The following ASPM variants were observed in gnomAD, a reference collection of about 807,000 sequenced individuals.
ASPM encodes assembly factor for spindle microtubules.
In ASPM, 256 loss-of-function variants were observed where a neutral mutation model predicts 366.4. That is an observed-to-expected ratio of 0.70 (90% confidence interval 0.63 to 0.77). The LOEUF (loss-of-function observed/expected upper bound fraction) is 0.77. Among genes scored for constraint, ASPM ranks in the 30% least tolerant of loss-of-function variants. The pLI is 0.00. For synonymous variants in ASPM, 1,414 were observed against 1,342.9 expected (o/e 1.05, Z -1.16); for missense variants, 4,146 against 4,090.4 (o/e 1.01, Z -0.37).
intron 1 of ASPM, 136 bp downstream of exon 1, chr1:197,146,005 T>C: frequency 8.8e-7 from 1 of 1,131,364 alleles, no homozygotes; most frequent in Non-Finnish European, 1.3e-6. Flanking sequence ...AGTTATTGAG[T>C]GAAAGGGAAC....
rs202011814 is a variant in ASPM, at chr1:197,092,115, G to GT, written c.9295-60dup. On this transcript the variant is annotated intron_variant, in intron 21 of 27. Transcript: ENST00000367409. Reference sequence around the variant, plus strand: ...CTGCCTCCTAAGTTAATCAATGAGTGTTTTTTTTTGTATAACCTCAACATC... The same window carrying GT: ...CTGCCTCCTAAGTTAATCAATGAGTGTTTTTTTTTTGTATAACCTCAACATC... The GT allele has an allele frequency of 2.4e-3, 3,536 of 1,494,294 alleles. 10 individuals are homozygous for GT. Among genetic ancestry groups the GT allele is most frequent in the African/African-American group, 0.01 (720 of 71,868 alleles). 92.6% of individuals were successfully genotyped at this position (1,494,294 alleles called of 1,614,324 possible). A position where few individuals can be genotyped will look rare whatever the true frequency, so the allele number is the denominator to read the frequency against.
At chr1:197,099,401 T>C (rs984049101) in intron 18 of ASPM, among the ~76,000 whole-genome samples, 7 of 151,650 alleles carry the variant, frequency 4.6e-5, no homozygotes, top group Admixed American at 6.6e-5. Flanking sequence ...TTCTAGTTTT[T>C]TGATTTTTCC....
chr1:197,084,194 A>C lies in ASPM; in HGVS notation c.*130T>G, dbSNP rs1656508100. The C allele has an allele frequency of 4.4e-6, 3 of 674,334 alleles. No homozygotes were observed. In the South Asian group the frequency reaches 5.1e-5, roughly 12 times the overall value. 41.8% of individuals were successfully genotyped at this position (674,334 alleles called of 1,614,324 possible). A position where few individuals can be genotyped will look rare whatever the true frequency, so the allele number is the denominator to read the frequency against. On this transcript the variant is annotated 3_prime_UTR_variant, in exon 28 of 28. Coordinates refer to ENST00000367409, the MANE Select transcript of ASPM (RefSeq NM_018136.5). ...AATGATAAAAATGAAGAATGTAATG[A>C]ACAGTTTATGTTTTTTTAAAACAAA... is the stretch of plus-strand genomic sequence containing the variant.
rs182760737 is a variant in ASPM at position 197,093,386 on chromosome 1, T to A, written c.9085-125A>T. On this transcript the variant is annotated intron_variant, in intron 20 of 27. Coordinates refer to ENST00000367409, the MANE Select transcript of ASPM (RefSeq NM_018136.5). ...GATTTATAGTCTAAGAATGCCATGT[T>A]TCATAGATATGAAATGATGATGAAG... 1.9e-4 allele frequency: 161 copies of A among 835,090 alleles called. No individual in the cohort carries two copies. In the East Asian group the frequency reaches 3.9e-3, roughly 20 times the overall value. The allele number at this position is 835,090 out of a possible 1,614,324, so 51.7% of individuals were successfully genotyped here. A position where few individuals can be genotyped will look rare whatever the true frequency, so the allele number is the denominator to read the frequency against.
chr1:197,101,164 T>C lies in ASPM; in HGVS notation c.8087A>G (p.Gln2696Arg). The change falls in exon 18 of 28, where the codon CAG becomes CGG. Residue 2696 changes from glutamine (Q) to arginine (R), a missense_variant. Around this residue, in one of 3 missense-constraint regions of ASPM, gnomAD observed 3,624 missense variants for 3,591.7 expected, o/e 1.01. Coordinates refer to ENST00000367409, the MANE Select transcript of ASPM (RefSeq NM_018136.5). ...GGCCCTGTGCATTCGATAGAATGAC[T>C]GAATTAGTGTGGCAGCCCGGTGCAT... ...QNMHRAATLIQSFYRMHRAKV... is the reference protein window; with the variant it reads ...QNMHRAATLIRSFYRMHRAKV... 2 of 1,612,478 alleles carry C rather than the reference T, an allele frequency of 1.2e-6. No homozygotes were observed. The highest frequency in any genetic ancestry group is 1.7e-6 in the Non-Finnish European group (2 of 1,179,104).
At chr1:197,132,730 G>A (rs1053092900) in intron 6 of ASPM, among the ~76,000 whole-genome samples, 5 of 149,418 alleles carry the variant, frequency 3.3e-5, no homozygotes, top group African/African-American at 7.3e-5. Context: ...GTGTGTGTAC[G>A]TATATATACA....
At chr1:197,096,194 C>A in intron 18 of ASPM, 30 bp from the exon 19 acceptor site, 1 of 1,529,368 alleles carries the variant, frequency 6.5e-7, no homozygotes, top group Non-Finnish European at 9.0e-7. Flanking sequence ...AACAAGTATG[C>A]AATGAGTTGT....
intron 21 of ASPM, 99 bp from the exon 22 acceptor site, chr1:197,092,155 A>G: frequency 8.4e-7 from 1 of 1,184,042 alleles, no homozygotes; most frequent in Admixed American, 1.9e-5. Context: ...TATATAAACT[A>G]GCAAGAATAA....
At chr1:197,091,706 C>T (rs1656790800) in intron 22 of ASPM, among the ~76,000 whole-genome samples, 1 of 151,924 alleles carries the variant, frequency 6.6e-6, no homozygotes, top group Non-Finnish European at 1.5e-5. Flanking sequence ...ACAATTACAT[C>T]AGACAATAAT....
rs372169470 is a variant in ASPM, at chr1:197,128,081, C to T, written c.2936+409G>A. On this transcript the variant is annotated intron_variant, in intron 10 of 27. Coordinates refer to ENST00000367409, the MANE Select transcript of ASPM (RefSeq NM_018136.5). Reference sequence around the variant, plus strand: ...TCCGGAGGCTGAGGCAGGAGAATGGCGTGAACCCAGGAGGTAGGCTTGCAG... The same window carrying T: ...TCCGGAGGCTGAGGCAGGAGAATGGTGTGAACCCAGGAGGTAGGCTTGCAG... Among the ~76,000 whole-genome samples, 58 of 151,702 alleles carry T rather than the reference C, an allele frequency of 3.8e-4. No individual in the cohort carries two copies. In the South Asian group the frequency reaches 0.011, roughly 29 times the overall value.
rs758566257 is a variant in ASPM at position 197,143,942 on chromosome 1, T to C, written c.441+15A>G. 66 of 1,594,214 alleles carry C rather than the reference T, an allele frequency of 4.1e-5. No homozygotes were observed. Among genetic ancestry groups the C allele is most frequent in the Non-Finnish European group, 5.6e-5 (65 of 1,162,964 alleles). On this transcript the variant is annotated intron_variant, in intron 2 of 27. Transcript: ENST00000367409. ...CAATTTCTTAGAGTAAATCACAGAA[T>C]GGTTAAAACATTACCTTTTTCTTTT... is the stretch of plus-strand genomic sequence containing the variant.
At chr1:197,132,425 G>C (rs1658285278) in intron 6 of ASPM, 73 bp from the exon 7 acceptor site, 4 of 1,276,838 alleles carry the variant, frequency 3.1e-6, no homozygotes, top group East Asian at 2.3e-5. Flanking sequence ...ACTTCAAGGA[G>C]AGTATATCAG....
chr1:197,102,769 T>G lies in ASPM; in HGVS notation c.6482A>C (p.Glu2161Ala). The G allele has an allele frequency of 6.2e-7, 1 of 1,612,606 alleles. No homozygotes were observed. Among genetic ancestry groups the G allele is most frequent in the Non-Finnish European group, 8.5e-7 (1 of 1,179,230 alleles). Residue 2161 changes from glutamate to alanine, a missense_variant, in exon 18 of 28, where the codon GAA becomes GCA. Physicochemically the swap from Glu to Ala is moderately radical, Grantham distance 107. Coordinates refer to ENST00000367409, the MANE Select transcript of ASPM (RefSeq NM_018136.5). The part of the protein sequence containing the change: ...RAYYQGKMQR[E>A]KYLTILKAVK... ...AGCTTTCAAAATTGTCAGGTACTTT[T>G]CACGCTGCATTTTACCTTGATAATA...
intron 5 of ASPM, 35 bp downstream of exon 5, chr1:197,135,061 G>T (rs1160248277): frequency 7.2e-7 from 1 of 1,389,612 alleles, no homozygotes; most frequent in Non-Finnish European, 1.0e-6. Flanking sequence ...TCTGTTAAAA[G>T]TATTATTAAA....
intron 17 of ASPM, among the ~76,000 whole-genome samples, chr1:197,114,024 T>C (rs1003628640): frequency 1.9e-5 from 2 of 107,140 alleles, no homozygotes; most frequent in African/African-American, 5.4e-5. Flanking sequence ...TAAAAAACTC[T>C]TGGATAGTTG....
At chr1:197,140,490 T>C (rs946550224) in intron 3 of ASPM, among the ~76,000 whole-genome samples, 1 of 152,162 alleles carries the variant, frequency 6.6e-6, no homozygotes, top group African/African-American at 2.4e-5. Context: ...GAGAACAAAT[T>C]TATGAGAAGT....
rs1658329667 is a variant in ASPM at position 197,133,557 on chromosome 1, G to A, written c.2212C>T (p.His738Tyr). 6.2e-7 allele frequency: 1 copy of A among 1,613,410 alleles called. No homozygotes were observed. The highest frequency in any genetic ancestry group is 8.5e-7 in the Non-Finnish European group (1 of 1,179,442). ...ATLLLGIENQ[H>Y]KISVPRAPTK... ...GGTGCTCTAGGAACACTTATTTTAT[G>A]TTGATTCTCTATTCCCAAAAGAAGA... Residue 738 changes from histidine to tyrosine, a missense_variant, in exon 6 of 28, where the codon CAT becomes TAT. His to Tyr is a moderately conservative substitution (Grantham distance 83). Around this residue, in one of 3 missense-constraint regions of ASPM, gnomAD observed 3,624 missense variants for 3,591.7 expected, o/e 1.01. Transcript: ENST00000367409.
chr1:197,113,723 A>T (rs1412021666), intron 17 of ASPM, among the ~76,000 whole-genome samples: 1 of 152,210 alleles, frequency 6.6e-6, no homozygotes, highest in Non-Finnish European at 1.5e-5. Flanking sequence ...CACAACACAC[A>T]TACCAAATAG....
At position 197,143,244 on chromosome 1, in the gene ASPM, T is replaced by C. The variant is rs1480918356; in HGVS notation, c.1008A>G (p.Thr336=). 2.5e-6 allele frequency: 4 copies of C among 1,612,364 alleles called. No homozygotes were observed. Among genetic ancestry groups the C allele is most frequent in the Middle Eastern group, 3.3e-4 (2 of 6,058 alleles). The part of the protein sequence containing the change: ...HGANNELELV[T]CLSSDMFMKD... ...TCATAAACATATCTGATGAAAGACATGTTACTAATTCTAGTTCATTATTAG... is the reference window on the plus strand; with the variant it reads ...TCATAAACATATCTGATGAAAGACACGTTACTAATTCTAGTTCATTATTAG... The change falls in exon 3 of 28, where the codon ACA becomes ACG. Residue 336 remains threonine, a synonymous_variant. Transcript: ENST00000367409.
Sources: allele counts gnomAD v4.1 joint callset (sites outside exome capture counted in the v4.1 genomes callset), GRCh38; gene constraint gnomAD v4.1.1; regional missense constraint gnomAD v4.1.1; transcripts MANE v1.5; gene names NCBI Gene and HGNC (gene_info 2026-07-23, HGNC 2026-07-21).